NPIPB2: variants seen among roughly 807,000 people sequenced by gnomAD.
The protein encoded by NPIPB2 is nuclear pore complex-interacting protein family member B2.
A neutral mutation model predicts 30.8 loss-of-function variants in NPIPB2; 27 were observed. The ratio of observed to expected loss-of-function variants is 0.88; its 90% CI spans 0.65 to 1.21. NPIPB2 has a LOEUF of 1.21. Among genes scored for constraint, NPIPB2 ranks in the 50% most tolerant of loss-of-function variants. The probability of loss-of-function intolerance (pLI) is 0.00; values close to 1 mark genes in which losing one functional copy is unlikely to be tolerated. For missense variants in NPIPB2, 440 were observed against 446.2 expected, an observed-to-expected ratio of 0.99 and a Z score of 0.13; for synonymous variants, 147 against 162.0, an observed-to-expected ratio of 0.91 and a Z score of 0.70.
chr16:11,939,112 TATTATATATCATATGG>T (rs1484356785), intron 1 of NPIPB2, among the ~76,000 whole-genome samples: 3 of 152,148 alleles, frequency 2.0e-5, no homozygotes, highest in Non-Finnish European at 2.9e-5. Context: ...TGGATGCATT[TATTATATATCATATGG>T]TAAAAGAATC....
chr16:11,943,357 G>A (rs2054964245), upstream of NPIPB2, among the ~76,000 whole-genome samples: 2 of 152,070 alleles, frequency 1.3e-5, no homozygotes, highest in African/African-American at 2.4e-5. Flanking sequence ...ACAAAAAACA[G>A]GGTTAACAAA....
intron 1 of NPIPB2, chr16:11,967,833 A>G (rs2055208104): frequency 6.2e-7 from 1 of 1,613,864 alleles, no homozygotes; most frequent in Non-Finnish European, 8.5e-7. Context: ...AGAGAAATCA[A>G]TTTCTGCTAG....
At chr16:11,937,586 G>C in exon 2 of NPIPB2, 1 of 1,599,404 alleles carries the variant, frequency 6.3e-7, no homozygotes, top group South Asian at 1.1e-5. Flanking sequence ...ATAACTTCTC[G>C]GAAATGCAAT....
chr16:11,967,113 A>G (rs2055200532), intron 1 of NPIPB2: 1 of 204,954 alleles, frequency 4.9e-6, no homozygotes, highest in African/African-American at 2.4e-5. Context: ...CAATTCTCCC[A>G]TCTCAGCCTC....
chr16:11,960,928 G>T (rs1244746165), intron 1 of NPIPB2, among the ~76,000 whole-genome samples: 14 of 149,214 alleles, frequency 9.4e-5, no homozygotes, highest in Admixed American at 8.7e-4. Context: ...GTGCAGTGGC[G>T]CAATCTTGGC....
chr16:11,949,662 C>G (rs1192840187), intron 1 of NPIPB2, among the ~76,000 whole-genome samples: 1 of 152,224 alleles, frequency 6.6e-6, no homozygotes, highest in Admixed American at 6.5e-5. Flanking sequence ...CCTGGCCAGT[C>G]TCCTCACTTG....
chr16:11,961,844 C>T lies in NPIPB2; in HGVS notation c.-584+14724G>A, dbSNP rs548515343. On this transcript the variant is annotated intron_variant, in intron 1 of 5. Coordinates refer to the NPIPB2 transcript ENST00000538896. ...GCTCTATCTGCCTCCTGGGTGGATA[C>T]AAATAAAATAGGTAGGGTCTGAATA... Among the ~76,000 whole-genome samples the T allele has an allele frequency of 4.0e-5, 6 of 149,264 alleles. No individual in the cohort carries two copies. In the South Asian group the frequency reaches 1.3e-3, roughly 32 times the overall value.
intron 4 of NPIPB2, 98 bp from the exon 5 acceptor site, chr16:11,930,649 C>T (rs1458689197): frequency 3.2e-6 from 3 of 923,244 alleles, no homozygotes; most frequent in Admixed American, 2.8e-5. Flanking sequence ...ATTCAAAGAT[C>T]CCCCCTGCAA....
chr16:11,953,367 G>A (rs571437424), intron 1 of NPIPB2, among the ~76,000 whole-genome samples: 5 of 152,086 alleles, frequency 3.3e-5, no homozygotes, highest in Admixed American at 6.6e-5. Context: ...TCTTGAGACG[G>A]AGTCTTGCTC....
intron 1 of NPIPB2, among the ~76,000 whole-genome samples, chr16:11,938,709 C>A (rs1460715697): frequency 3.3e-5 from 5 of 151,958 alleles, no homozygotes; most frequent in African/African-American, 1.2e-4. Flanking sequence ...ACATGCAGCC[C>A]GTCACTCATG....
intron 1 of NPIPB2, among the ~76,000 whole-genome samples, chr16:11,960,178 G>T (rs1222210215): frequency 6.6e-6 from 1 of 152,116 alleles, no homozygotes; most frequent in African/African-American, 2.4e-5. Context: ...TCCCAGTGAC[G>T]AACAGTTCTG....
At chr16:11,933,521 T>G (rs769286185) in exon 4 of NPIPB2, 54 of 1,596,858 alleles carry the variant, frequency 3.4e-5, no homozygotes, top group Non-Finnish European at 4.2e-5. Flanking sequence ...TCTTACTGTT[T>G]TTTGGCGGTC....
intron 1 of NPIPB2, chr16:11,965,098 A>AT: frequency 1.7e-6 from 1 of 576,896 alleles, no homozygotes; most frequent in South Asian, 2.2e-5. Context: ...CCTGTCTCTT[A>AT]CCCCATCCAA....
intron 1 of NPIPB2, among the ~76,000 whole-genome samples, chr16:11,940,714 C>T (rs1170042691): frequency 8.0e-6 from 1 of 125,712 alleles, no homozygotes; most frequent in African/African-American, 3.0e-5. Context: ...GAGCCGAGAT[C>T]TTGCCACTGC....
At chr16:11,935,374 C>T (rs1053571080) in intron 2 of NPIPB2, among the ~76,000 whole-genome samples, 7 of 152,200 alleles carry the variant, frequency 4.6e-5, no homozygotes, top group Admixed American at 1.3e-4. Flanking sequence ...AGTGCAGTGG[C>T]GCTACCTTGG....
chr16:11,941,819 C>T (rs2054946090), intron 1 of NPIPB2, 164 bp downstream of exon 1: 1 of 1,257,554 alleles, frequency 8.0e-7, no homozygotes, highest in Non-Finnish European at 1.1e-6. Flanking sequence ...GACAGGTCCT[C>T]TCTGGAACCT....
upstream of NPIPB2, among the ~76,000 whole-genome samples, chr16:11,943,071 C>T (rs1225487558): frequency 6.6e-6 from 1 of 152,224 alleles, no homozygotes; most frequent in East Asian, 1.9e-4. Flanking sequence ...CCTGTAATCC[C>T]AGCACTTTGG....
intron 1 of NPIPB2, among the ~76,000 whole-genome samples, chr16:11,952,897 A>C (rs543737551): frequency 2.0e-5 from 3 of 152,044 alleles, no homozygotes; most frequent in African/African-American, 7.2e-5. Context: ...TAGAACATAA[A>C]AATCTACTTC....
intron 1 of NPIPB2, among the ~76,000 whole-genome samples, chr16:11,947,959 C>T (rs1447959643): frequency 6.7e-6 from 1 of 149,080 alleles, no homozygotes; most frequent in Non-Finnish European, 1.5e-5. Flanking sequence ...AAAGCGGATA[C>T]TAGGTGGACA....
Sources: allele counts gnomAD v4.1 joint callset (sites outside exome capture counted in the v4.1 genomes callset), GRCh38; gene constraint gnomAD v4.1.1; transcripts MANE v1.5; gene names NCBI Gene and HGNC (gene_info 2026-07-23, HGNC 2026-07-21).